Variants in FLNB observed in about 807,000 individuals in gnomAD.
FLNB encodes filamin-B.
FLNB carries 111 observed loss-of-function variants against 250.6 expected under a neutral mutation model. The observed-to-expected ratio is 0.44, with a 90% CI of 0.38 to 0.52. The LOEUF is 0.52. FLNB is among the 20% of genes least tolerant of loss of function. The pLI is 0.00. For synonymous variants in FLNB, 1,302 were observed against 1,372.1 expected (o/e 0.95, Z 1.13); for missense variants, 2,869 against 3,447.8 (o/e 0.83, Z 4.20).
intron 1 of FLNB, among the ~76,000 whole-genome samples, chr3:58,054,389 A>G (rs2097167192): frequency 6.6e-6 from 1 of 152,182 alleles, no homozygotes; most frequent in African/African-American, 2.4e-5. Flanking sequence ...AGAAACTTCT[A>G]TTGAACAGCA....
chr3:58,112,128 CTTCACAGTATATCT>C lies in FLNB; in HGVS notation c.2576-17_2576-4del. ...CTACTCCAGCTGGTCTGTCTCCTCA[CTTCACAGTATATCT>C]TTCCAGGTGTGGAAAATGGGAAACC... On this transcript the variant is annotated splice_region_variant and splice_polypyrimidine_tract_variant and intron_variant, in intron 17 of 45. Transcript: ENST00000295956. 1 of 1,612,710 alleles carries C rather than the reference CTTCACAGTATATCT, an allele frequency of 6.2e-7. No homozygotes were observed.
chr3:58,162,754 T>C, intron 42 of FLNB: 1 of 280,636 alleles, frequency 3.6e-6, no homozygotes, highest in Non-Finnish European at 6.9e-6. Flanking sequence ...AATTTCAGAG[T>C]GCTGTGTCTT....
intron 27 of FLNB, 97 bp downstream of exon 27, chr3:58,134,869 C>T (rs1248971198): frequency 4.4e-6 from 5 of 1,130,032 alleles, no homozygotes; most frequent in Non-Finnish European, 6.6e-6. Context: ...ATTTCTGACT[C>T]AATGCAAGTT....
At chr3:58,070,104 A>T (rs1384283642) in intron 1 of FLNB, among the ~76,000 whole-genome samples, 1 of 146,370 alleles carries the variant, frequency 6.8e-6, no homozygotes, top group African/African-American at 2.6e-5. Flanking sequence ...GCTGGAGTGC[A>T]GTGGTGTGAT....
intron 32 of FLNB, among the ~76,000 whole-genome samples, chr3:58,144,267 T>A (rs1575454386): frequency 6.6e-6 from 1 of 152,168 alleles, no homozygotes; most frequent in Non-Finnish European, 1.5e-5. Context: ...TATTTTTTAT[T>A]TTTTTGTGGA....
intron 4 of FLNB, among the ~76,000 whole-genome samples, chr3:58,085,901 G>A (rs892242756): frequency 2.0e-5 from 3 of 152,184 alleles, no homozygotes; most frequent in African/African-American, 7.2e-5. Context: ...CCAGACCTTT[G>A]ACAAGCTGCA....
At chr3:58,105,811 G>A (rs1559696488) in intron 11 of FLNB, among the ~76,000 whole-genome samples, 1 of 152,222 alleles carries the variant, frequency 6.6e-6, no homozygotes, top group Non-Finnish European at 1.5e-5. Flanking sequence ...AGTAAGCAAT[G>A]GGCCAGATGT....
intron 20 of FLNB, among the ~76,000 whole-genome samples, chr3:58,122,387 G>A (rs1310970977): frequency 6.6e-6 from 1 of 151,524 alleles, no homozygotes; most frequent in Non-Finnish European, 1.5e-5. Flanking sequence ...CAGCTACTCG[G>A]GAGGCTGAGG....
At chr3:58,117,723 C>T (rs1202475524) in intron 18 of FLNB, among the ~76,000 whole-genome samples, 2 of 152,026 alleles carry the variant, frequency 1.3e-5, no homozygotes, top group Non-Finnish European at 2.9e-5. Flanking sequence ...AGGCAGGGGG[C>T]CAATTGGTTT....
rs2097265169 is a variant in FLNB at position 58,109,654 on chromosome 3, A to G, written c.2278A>G (p.Asn760Asp). The change falls in exon 15 of 46, where the codon AAT (asparagine) becomes GAT (aspartate). Residue 760 changes from asparagine to aspartate, a missense_variant. Asn to Asp is a conservative substitution (Grantham distance 23). Coordinates refer to ENST00000295956, the MANE Select transcript of FLNB (RefSeq NM_001457.4). Reference protein sequence around the residue: ...PGVERSGLKANEPTHFTVDCT... With the variant: ...PGVERSGLKADEPTHFTVDCT... ...TGTGGAGAGAAGTGGTCTGAAGGCAAATGAACCTACACACTTCACGGTGGA... is the reference window on the plus strand; with the variant it reads ...TGTGGAGAGAAGTGGTCTGAAGGCAGATGAACCTACACACTTCACGGTGGA... 3 of 1,613,984 alleles carry G rather than the reference A, an allele frequency of 1.9e-6. No homozygotes were observed. The highest frequency in any genetic ancestry group is 2.5e-6 in the Non-Finnish European group (3 of 1,180,014).
At chr3:58,021,839 A>T (rs543529597) in intron 1 of FLNB, among the ~76,000 whole-genome samples, 7 of 152,200 alleles carry the variant, frequency 4.6e-5, no homozygotes, top group African/African-American at 1.7e-4. Context: ...CAGTGGTGCC[A>T]TCACAGCTCG....
At chr3:58,038,809 T>C (rs1559650747) in intron 1 of FLNB, among the ~76,000 whole-genome samples, 1 of 152,072 alleles carries the variant, frequency 6.6e-6, no homozygotes, top group African/African-American at 2.4e-5. Flanking sequence ...CCCTGCCCCT[T>C]GTTAGGAAAG....
At chr3:58,120,341 A>C (rs1045411172) in intron 19 of FLNB, among the ~76,000 whole-genome samples, 9 of 152,200 alleles carry the variant, frequency 5.9e-5, no homozygotes, top group Admixed American at 2.0e-4. Context: ...GCAGGGTGCC[A>C]ATTAGGAAAG....
chr3:58,067,148 C>T (rs1171263701), intron 1 of FLNB, among the ~76,000 whole-genome samples: 1 of 152,096 alleles, frequency 6.6e-6, no homozygotes, highest in East Asian at 1.9e-4. Context: ...CTCCATTCTC[C>T]ATGCCCTGTT....
In FLNB at chr3:58,171,097, C is replaced by T. The variant is rs2097381826; in HGVS notation, c.*335C>T. On this transcript the variant is annotated 3_prime_UTR_variant, in exon 46 of 46. Transcript: ENST00000295956. This position sits in a 1 kb window ranked among gnomAD's most constrained non-coding sequence, Gnocchi z 5.5. ...TTTCAAAAAAACAAAACTGGCTAGC[C>T]TGAGCTGCTGGTTCACTCTTCAGCA... The T allele has an allele frequency of 6.9e-6, 2 of 291,570 alleles. No individual in the cohort carries two copies. Among genetic ancestry groups the T allele is most frequent in the South Asian group, 8.5e-5 (2 of 23,624 alleles). The allele number at this position is 291,570 out of a possible 1,614,324, so 18.1% of individuals were successfully genotyped here.
intron 1 of FLNB, among the ~76,000 whole-genome samples, chr3:58,035,727 C>T (rs1302187772): frequency 2.0e-5 from 3 of 152,110 alleles, no homozygotes; most frequent in Non-Finnish European, 1.5e-5. Flanking sequence ...GAAGGTTCTG[C>T]TAGGAGGAAA....
intron 7 of FLNB, among the ~76,000 whole-genome samples, chr3:58,098,225 A>G (rs2097242502): frequency 6.6e-6 from 1 of 152,236 alleles, no homozygotes; most frequent in African/African-American, 2.4e-5. Context: ...GTAAATAGAA[A>G]ATGCAGAAGA....
At chr3:58,073,864 A>G (rs1277231217) in intron 1 of FLNB, among the ~76,000 whole-genome samples, 1 of 152,160 alleles carries the variant, frequency 6.6e-6, no homozygotes, top group African/African-American at 2.4e-5. Flanking sequence ...TTGGAGGCTA[A>G]CCTCAGGTTT....
At chr3:58,111,975 C>A in intron 17 of FLNB, 94 bp downstream of exon 17, 1 of 1,190,020 alleles carries the variant, frequency 8.4e-7, no homozygotes, top group Non-Finnish European at 1.3e-6. Flanking sequence ...TCATCTCCAC[C>A]AACACCAACA....
Sources: gnomAD v4.1 joint callset for allele counts (sites outside exome capture counted in the v4.1 genomes callset) on GRCh38, gnomAD v4.1.1 for gene constraint, Gnocchi (gnomAD v3.1) non-coding constraint, MANE v1.5 for transcripts, NCBI Gene and HGNC (gene_info 2026-07-23, HGNC 2026-07-21) for gene names.